CECR2: variants seen among roughly 807,000 people sequenced by gnomAD.
The protein encoded by CECR2 is CECR2 histone acetyl-lysine reader, also known as chromatin remodeling regulator CECR2.
CECR2 carries 30 observed loss-of-function variants against 154.5 expected under a neutral mutation model. That is an observed-to-expected ratio of 0.19 (90% CI 0.15 to 0.26). CECR2 has a LOEUF of 0.26. Ranked by LOEUF, CECR2 falls within the 10% of genes least tolerant of loss-of-function variation. The pLI, the probability that CECR2 is intolerant of heterozygous loss-of-function variation, is 1.00. For synonymous variants in CECR2, 725 were observed against 683.7 expected, an observed-to-expected ratio of 1.06 and a Z score of -0.94; for missense variants, 1,743 against 1,829.3, an observed-to-expected ratio of 0.95 and a Z score of 0.86.
At chr22:17,547,242 T>C (rs939203682) in intron 16 of CECR2, among the ~76,000 whole-genome samples, 5 of 151,474 alleles carry the variant, frequency 3.3e-5, no homozygotes, top group Non-Finnish European at 5.9e-5. Flanking sequence ...TGCCTCTTTT[T>C]TTTTTGAGAT....
chr22:17,549,788 T>G lies in CECR2; in HGVS notation c.4277+224T>G, dbSNP rs931186673. ...CCACACCCAGCTAACTTTTTGGTTT[T>G]TTTTTTTTTTTTTTTTTGGTGGAGG... is the stretch of plus-strand genomic sequence containing the variant. On this transcript the variant is annotated intron_variant, in intron 17 of 18. Transcript: ENST00000262608. Among the ~76,000 whole-genome samples the G allele has an allele frequency of 5.6e-4, 80 of 143,774 alleles. 1 individual carries two copies. Among genetic ancestry groups the G allele is most frequent in the African/African-American group, 1.9e-3 (72 of 38,624 alleles). 94.3% of individuals were successfully genotyped at this position (143,774 alleles called of 152,430 possible).
At chr22:17,372,394 G>C (rs1381795239) in intron 1 of CECR2, among the ~76,000 whole-genome samples, 2 of 152,124 alleles carry the variant, frequency 1.3e-5, no homozygotes, top group African/African-American at 2.4e-5. Context: ...TTCTCGACTC[G>C]GTGGCTCACC....
chr22:17,403,970 A>T (rs1359409343), intron 1 of CECR2, among the ~76,000 whole-genome samples: 1 of 151,432 alleles, frequency 6.6e-6, no homozygotes, highest in African/African-American at 2.4e-5. Flanking sequence ...TGTAGATAAG[A>T]CCACCCTGGC....
At chr22:17,538,476 A>T in intron 10 of CECR2, 44 bp from the exon 11 acceptor site, 1 of 1,557,844 alleles carries the variant, frequency 6.4e-7, no homozygotes, top group Non-Finnish European at 8.9e-7. Flanking sequence ...TCAGGAGAGA[A>T]GGTGGTCAGA....
Position 17,469,352 on chromosome 22 carries a change from C to CA in CECR2, c.127-8235dup, listed in dbSNP as rs766979917. On this transcript the variant is annotated intron_variant, in intron 1 of 18. Transcript: ENST00000262608. Reference sequence around the variant, plus strand: ...GACCAGCAGTACTTTTCATGGTCCTCACGTTTACCTGCCATTCAACACACA... The same window carrying CA: ...GACCAGCAGTACTTTTCATGGTCCTCAACGTTTACCTGCCATTCAACACACA... Among the ~76,000 whole-genome samples the CA allele has an allele frequency of 2.0e-5, 3 of 152,156 alleles. No individual in the cohort carries two copies. In the South Asian group the frequency reaches 6.2e-4, roughly 32 times the overall value.
rs2063033231 is a variant in CECR2 at position 17,369,831 on chromosome 22, C to A, written c.48C>A (p.Ser16=). The A allele has an allele frequency of 6.6e-6, 1 of 150,832 alleles. No individual in the cohort carries two copies. The highest frequency in any genetic ancestry group is 2.4e-5 in the African/African-American group (1 of 41,266). 9.3% of individuals were successfully genotyped at this position (150,832 alleles called of 1,614,324 possible). Residue 16 remains serine, a synonymous_variant, in exon 1 of 19, where the codon TCC becomes TCA. Transcript: ENST00000262608. ...GGAAGLGELR[S]WWEVPAIAHF... ...CGGCCGGGCTGGGCGAGCTCCGCTC[C>A]TGGTGGGAGGTCCCGGCCATCGCGC...
upstream of CECR2, among the ~76,000 whole-genome samples, chr22:17,369,094 T>C (rs2063022306): frequency 2.0e-5 from 3 of 152,122 alleles, no homozygotes; most frequent in African/African-American, 4.8e-5. Flanking sequence ...CGTTTCTGTC[T>C]CTAGCCCGAC....
At chr22:17,480,357 A>C (rs944154994) in intron 2 of CECR2, among the ~76,000 whole-genome samples, 2 of 150,908 alleles carry the variant, frequency 1.3e-5, no homozygotes, top group Non-Finnish European at 3.0e-5. Context: ...GAGTTAGCTT[A>C]CAGGTCTGTG....
intron 1 of CECR2, among the ~76,000 whole-genome samples, chr22:17,412,964 A>C (rs931281895): frequency 6.6e-6 from 1 of 152,098 alleles, no homozygotes; most frequent in African/African-American, 2.4e-5. Flanking sequence ...AGACGTTGTT[A>C]AGTTTTCCTC....
intron 1 of CECR2, among the ~76,000 whole-genome samples, chr22:17,379,581 G>GGTGTGTGT (rs60634016): frequency 0.022 from 2,994 of 137,844 alleles, 43 homozygotes; most frequent in African/African-American, 0.024. Context: ...CTACGTTGAA[G>GGTGTGTGT]GTGTGTGTGT....
intron 3 of CECR2, among the ~76,000 whole-genome samples, chr22:17,498,213 A>C (rs1287923947): frequency 1.3e-5 from 2 of 152,056 alleles, no homozygotes. Context: ...ACACGGTGAA[A>C]TCCCGTCTCC....
In CECR2 at chr22:17,542,268, T is replaced by C; in HGVS notation, c.2125T>C (p.Leu709=). 1 of 1,610,992 alleles carries C rather than the reference T, an allele frequency of 6.2e-7. No homozygotes were observed. Among genetic ancestry groups the C allele is most frequent in the Non-Finnish European group, 8.5e-7 (1 of 1,178,546 alleles). Residue 709 remains leucine, a synonymous_variant, in exon 16 of 19, where the codon TTG becomes CTG. Transcript: ENST00000262608. ...TAACATGGGCCCACACCCTGGATCC[T>C]TGCAGCTTGGGCAGATAAGTGGCCC... ...LSNMGPHPGS[L]QLGQISGPSQ...
intron 1 of CECR2, among the ~76,000 whole-genome samples, chr22:17,411,301 A>G (rs1320167448): frequency 6.6e-6 from 1 of 152,206 alleles, no homozygotes; most frequent in Non-Finnish European, 1.5e-5. Flanking sequence ...TACTTGTACA[A>G]TGGGTATGTA....
chr22:17,549,452 A>G lies in CECR2; in HGVS notation c.4165A>G (p.Ile1389Val), dbSNP rs1331092102. The G allele has an allele frequency of 1.2e-5, 20 of 1,612,348 alleles. No homozygotes were observed. The highest frequency in any genetic ancestry group is 1.7e-5 in the Non-Finnish European group (20 of 1,179,226). ...QPNGLSQEGPIYRCQEEGLGH... is the reference protein window; with the variant it reads ...QPNGLSQEGPVYRCQEEGLGH... Reference sequence around the variant, plus strand: ...CAACGGCCTCTCTCAGGAGGGTCCCATCTATCGCTGCCAGGAAGAAGGCCT... The same window carrying G: ...CAACGGCCTCTCTCAGGAGGGTCCCGTCTATCGCTGCCAGGAAGAAGGCCT... Residue 1389 changes from isoleucine to valine, a missense_variant, in exon 17 of 19, where the codon ATC (isoleucine) becomes GTC (valine). Transcript: ENST00000262608.
intron 6 of CECR2, 59 bp from the exon 7 acceptor site, chr22:17,504,785 GAAT>G: frequency 6.8e-7 from 1 of 1,464,780 alleles, no homozygotes; most frequent in Non-Finnish European, 9.4e-7. Context: ...ACAAAATTGA[GAAT>G]AAATAAGGAA....
intron 1 of CECR2, among the ~76,000 whole-genome samples, chr22:17,378,442 G>T (rs2063146533): frequency 6.6e-6 from 1 of 151,436 alleles, no homozygotes; most frequent in East Asian, 1.9e-4. Context: ...GACTACAGGT[G>T]CCCACCACCA....
At position 17,549,057 on chromosome 22, in the gene CECR2, C is replaced by A. The variant is rs1488278425; in HGVS notation, c.3770C>A (p.Thr1257Asn). 1 of 1,614,038 alleles carries A rather than the reference C, an allele frequency of 6.2e-7. No individual in the cohort carries two copies. The highest frequency in any genetic ancestry group is 8.5e-7 in the Non-Finnish European group (1 of 1,179,898). The change falls in exon 17 of 19, where the codon ACT becomes AAT. Residue 1257 changes from threonine (T) to asparagine (N), a missense_variant. Thr to Asn is a moderately conservative substitution (Grantham distance 65). Around this residue, in one of 4 missense-constraint regions of CECR2, gnomAD observed 1,250 missense variants for 1,192.1 expected, o/e 1.05. Coordinates refer to ENST00000262608, the MANE Select transcript of CECR2 (RefSeq NM_001290047.2). ...QGCETLNAALTSPTRMDAVAA... is the reference protein window; with the variant it reads ...QGCETLNAALNSPTRMDAVAA... ...TGTGAGACACTGAATGCTGCCTTAA[C>A]TTCTCCAACCCGTATGGATGCAGTG...
At chr22:17,476,578 T>G (rs2146790126) in intron 1 of CECR2, among the ~76,000 whole-genome samples, 1 of 152,352 alleles carries the variant, frequency 6.6e-6, no homozygotes, top group African/African-American at 2.4e-5. Flanking sequence ...TGCTATCATG[T>G]AATTGCTGTT....
rs372961047 is a variant in CECR2 at position 17,466,443 on chromosome 22, G to GA, written c.127-11141dup. On this transcript the variant is annotated intron_variant, in intron 1 of 18. Transcript: ENST00000262608. ...CTATTTTGTGAGAGAGAATTACACT[G>GA]AAAACCCTTTATGTCAGCCCATAGT... 3.8e-3 allele frequency among the ~76,000 whole-genome samples: 574 copies of GA among 152,248 alleles called. 1 individual carries two copies. The highest frequency in any genetic ancestry group is 0.013 in the African/African-American group (555 of 41,526).
Sources: allele counts gnomAD v4.1 joint callset (sites outside exome capture counted in the v4.1 genomes callset), GRCh38; gene constraint gnomAD v4.1.1; regional missense constraint gnomAD v4.1.1; transcripts MANE v1.5; gene names NCBI Gene and HGNC (gene_info 2026-07-23, HGNC 2026-07-21).